The following TMDD1 variants were observed in gnomAD, a reference collection of about 807,000 sequenced individuals.
TMDD1 encodes transmembrane and death domain 1, also known as transmembrane and death domain protein 1.
At position 51,814,353 on chromosome 12, in the gene TMDD1, G is replaced by C. The variant is rs1195553644; in HGVS notation, c.541C>G (p.Pro181Ala). 1 of 368,304 alleles carries C rather than the reference G, an allele frequency of 2.7e-6. No homozygotes were observed. Among genetic ancestry groups the C allele is most frequent in the African/African-American group, 2.1e-5 (1 of 47,274 alleles). The allele number at this position is 368,304 out of a possible 1,614,324, so 22.8% of individuals were successfully genotyped here. A position where few individuals can be genotyped will look rare whatever the true frequency, so the allele number is the denominator to read the frequency against. Reference protein sequence around the residue: ...AAARVPFAPAPRPRRAAVPAP... With the variant: ...AAARVPFAPAARPRRAAVPAP... ...GGGACCGCGGCGCGCCGGGGGCGCG[G>C]GGCCGGGGCAAAGGGCACGCGGGCG... Residue 181 changes from proline to alanine, a missense_variant, in exon 1 of 1, where the codon CCG (proline) becomes GCG (alanine). By Grantham distance (27) the Pro-to-Ala change is conservative. Transcript: ENST00000642069.
Position 51,814,348 on chromosome 12 carries a change from G to T in TMDD1, c.546C>A (p.Arg182=), listed in dbSNP as rs77568389. The change falls in exon 1 of 1, where the codon CGC becomes CGA. Residue 182 remains arginine (R), a synonymous_variant. Transcript: ENST00000642069. The part of the protein sequence containing the change: ...AARVPFAPAP[R]PRRAAVPAPD... ...GCGCGGGGACCGCGGCGCGCCGGGGGCGCGGGGCCGGGGCAAAGGGCACGC... is the reference window on the plus strand; with the variant it reads ...GCGCGGGGACCGCGGCGCGCCGGGGTCGCGGGGCCGGGGCAAAGGGCACGC... 5.4e-6 allele frequency: 2 copies of T among 370,432 alleles called. No individual in the cohort carries two copies. The highest frequency in any genetic ancestry group is 4.6e-5 in the Admixed American group (1 of 21,550). The allele number at this position is 370,432 out of a possible 1,614,324, so 22.9% of individuals were successfully genotyped here.
In TMDD1 at chr12:51,814,151, T is replaced by TCGCTGC. The variant is rs1565938709; in HGVS notation, c.742_743insGCAGCG (p.Gly247_Asp248insGlySer). 4 of 396,864 alleles carry TCGCTGC rather than the reference T, an allele frequency of 1.0e-5. No individual in the cohort carries two copies. The highest frequency in any genetic ancestry group is 1.8e-5 in the Non-Finnish European group (4 of 225,234). The allele number at this position is 396,864 out of a possible 1,614,324, so 24.6% of individuals were successfully genotyped here. A position where few individuals can be genotyped will look rare whatever the true frequency, so the allele number is the denominator to read the frequency against. ...GCTGCCGGGCGACGCCCGGTCGCCG[T>TCGCTGC]CGCCGCCAGTGATCCATAGCGTGAG... On this transcript the variant is annotated inframe_insertion, in exon 1 of 1. Transcript: ENST00000642069.
In TMDD1 at chr12:51,814,136, G is replaced by A. The variant is rs544844450; in HGVS notation, c.758C>T (p.Ser253Leu). Residue 253 changes from serine to leucine, a missense_variant, in exon 1 of 1, where the codon TCG becomes TTG. Coordinates refer to ENST00000642069, the MANE Select transcript of TMDD1 (RefSeq NM_001386737.1). ...GGCGAGCGGGCCGGGGCTGCCGGGC[G>A]ACGCCCGGTCGCCGTCGCCGCCAGT... ...WITGGDGDRA[S>L]PGSPGPLATV... 13 of 327,824 alleles carry A rather than the reference G, an allele frequency of 4.0e-5. No homozygotes were observed. The highest frequency in any genetic ancestry group is 1.3e-4 in the African/African-American group (4 of 29,988). 20.3% of individuals were successfully genotyped at this position (327,824 alleles called of 1,614,324 possible).
rs1021657402 is a variant in TMDD1 at position 51,814,387 on chromosome 12, G to C, written c.507C>G (p.Pro169=). 8 of 357,588 alleles carry C rather than the reference G, an allele frequency of 2.2e-5. No individual in the cohort carries two copies. The highest frequency in any genetic ancestry group is 1.5e-4 in the African/African-American group (7 of 46,834). 22.2% of individuals were successfully genotyped at this position (357,588 alleles called of 1,614,324 possible). A position where few individuals can be genotyped will look rare whatever the true frequency, so the allele number is the denominator to read the frequency against. ...CAAAGGGCACGCGGGCGGCGGCGCC[G>C]GGCCGCGGCAGGAAGCGCTGCCCGA... is the stretch of plus-strand genomic sequence containing the variant. ...RKFGQRFLPR[P]GAAARVPFAP... is the part of the protein sequence containing the mutation. Residue 169 remains proline (P), a synonymous_variant, in exon 1 of 1, where the codon CCC becomes CCG. Transcript: ENST00000642069.
rs1592180223 is a variant in TMDD1, at chr12:51,814,154, C to CCGCCGT, written c.739_740insACGGCG (p.Gly246_Gly247insAspGly). Reference sequence around the variant, plus strand: ...GCCGGGCGACGCCCGGTCGCCGTCGCCGCCAGTGATCCATAGCGTGAGCAG... The same window carrying CCGCCGT: ...GCCGGGCGACGCCCGGTCGCCGTCGCCGCCGTCGCCAGTGATCCATAGCGTGAGCAG... On this transcript the variant is annotated inframe_insertion, in exon 1 of 1. Coordinates refer to ENST00000642069, the MANE Select transcript of TMDD1 (RefSeq NM_001386737.1). 2 of 397,754 alleles carry CCGCCGT rather than the reference C, an allele frequency of 5.0e-6. No homozygotes were observed. Among genetic ancestry groups the CCGCCGT allele is most frequent in the East Asian group, 7.1e-5 (2 of 28,024 alleles). 24.6% of individuals were successfully genotyped at this position (397,754 alleles called of 1,614,324 possible). A position where few individuals can be genotyped will look rare whatever the true frequency, so the allele number is the denominator to read the frequency against.
chr12:51,814,771 G>T lies in TMDD1; in HGVS notation c.123C>A (p.Thr41=), dbSNP rs1939025921. The change falls in exon 1 of 1, where the codon ACC becomes ACA. Residue 41 remains threonine, a synonymous_variant. Transcript: ENST00000642069. ...HAAVRLAELL[T]PEECGHFRSL... is the part of the protein sequence containing the mutation. ...ACCGGAAATGGCCGCACTCCTCCGG[G>T]GTCAGCAGCTCGGCCAGACGGACGG... 7.5e-6 allele frequency: 3 copies of T among 398,160 alleles called. No individual in the cohort carries two copies. Among genetic ancestry groups the T allele is most frequent in the African/African-American group, 4.1e-5 (2 of 48,632 alleles). 24.7% of individuals were successfully genotyped at this position (398,160 alleles called of 1,614,324 possible).
Position 51,813,979 on chromosome 12 carries a change from T to C in TMDD1, c.915A>G (p.Gly305=), listed in dbSNP as rs945497748. ...AAGCACCACTGCCCCAAGACTGTGC[T>C]CCCATTTTACAGCTGAGGGCAAGGG... The part of the protein sequence containing the change: ...HSALALSCKM[G]AQSWGSGALD... Residue 305 remains glycine (G), a synonymous_variant, in exon 1 of 1, where the codon GGA becomes GGG. Coordinates refer to ENST00000642069, the MANE Select transcript of TMDD1 (RefSeq NM_001386737.1). The C allele has an allele frequency of 1.8e-5, 7 of 398,672 alleles. No individual in the cohort carries two copies. The highest frequency in any genetic ancestry group is 1.4e-4 in the African/African-American group (7 of 48,614). 24.7% of individuals were successfully genotyped at this position (398,672 alleles called of 1,614,324 possible). A position where few individuals can be genotyped will look rare whatever the true frequency, so the allele number is the denominator to read the frequency against.
rs1198454264 is a variant in TMDD1 at position 51,814,803 on chromosome 12, G to A, written c.91C>T (p.His31Tyr). ...PAGAVDAMGP[H>Y]AAVRLAELLT... ...AGCTCGGCCAGACGGACGGCTGCGT[G>A]AGGGCCCATAGCGTCCACGGCCCCC... Residue 31 changes from histidine (H) to tyrosine (Y), a missense_variant, in exon 1 of 1, where the codon CAC becomes TAC. Physicochemically the swap from His to Tyr is moderately conservative, Grantham distance 83. Coordinates refer to ENST00000642069, the MANE Select transcript of TMDD1 (RefSeq NM_001386737.1). 1 of 398,194 alleles carries A rather than the reference G, an allele frequency of 2.5e-6. No homozygotes were observed. The highest frequency in any genetic ancestry group is 2.1e-5 in the African/African-American group (1 of 48,626). The allele number at this position is 398,194 out of a possible 1,614,324, so 24.7% of individuals were successfully genotyped here.
rs895559967 is a variant in TMDD1, at chr12:51,814,596, C to A, written c.298G>T (p.Val100Leu). 2.5e-6 allele frequency: 1 copy of A among 397,474 alleles called. No individual in the cohort carries two copies. Among genetic ancestry groups the A allele is most frequent in the Non-Finnish European group, 4.4e-6 (1 of 225,454 alleles). The allele number at this position is 397,474 out of a possible 1,614,324, so 24.6% of individuals were successfully genotyped here. ...REAAEDPAGR[V>L]AGPGEVSDGC... ...TCGGACACCTCTCCAGGCCCGGCTACCCTGCCCGCCGGGTCCTCGGCCGCC... is the reference window on the plus strand; with the variant it reads ...TCGGACACCTCTCCAGGCCCGGCTAACCTGCCCGCCGGGTCCTCGGCCGCC... The change falls in exon 1 of 1, where the codon GTA (valine) becomes TTA (leucine). Residue 100 changes from valine (V) to leucine (L), a missense_variant. By Grantham distance (32) the Val-to-Leu change is conservative. Transcript: ENST00000642069.
At position 51,814,177 on chromosome 12, in the gene TMDD1, C is replaced by G. The variant is rs1043889258; in HGVS notation, c.717G>C (p.Leu239=). ...GALGTGALVV[L]LTLWITGGDG... is the part of the protein sequence containing the mutation. ...CGCCGCCAGTGATCCATAGCGTGAG[C>G]AGGACGACCAGCGCCCCGGTGCCCA... Residue 239 remains leucine (L), a synonymous_variant, in exon 1 of 1, where the codon CTG becomes CTC. Transcript: ENST00000642069. The G allele has an allele frequency of 3.3e-5, 13 of 397,584 alleles. No homozygotes were observed. Among genetic ancestry groups the G allele is most frequent in the African/African-American group, 2.5e-4 (12 of 48,564 alleles). 24.6% of individuals were successfully genotyped at this position (397,584 alleles called of 1,614,324 possible).
Position 51,814,057 on chromosome 12 carries a change from C to G in TMDD1, c.837G>C (p.Ala279=). 2.5e-6 allele frequency: 1 copy of G among 399,548 alleles called. No homozygotes were observed. Among genetic ancestry groups the G allele is most frequent in the Admixed American group, 4.4e-5 (1 of 22,752 alleles). 24.8% of individuals were successfully genotyped at this position (399,548 alleles called of 1,614,324 possible). A position where few individuals can be genotyped will look rare whatever the true frequency, so the allele number is the denominator to read the frequency against. The change falls in exon 1 of 1, where the codon GCG becomes GCC. Residue 279 remains alanine (A), a synonymous_variant. Transcript: ENST00000642069. ...TKLLLPKERR[A]PPGAWAADGP... ...CATCTGCAGCCCAGGCCCCCGGGGGCGCGCGCCGCTCTTTAGGAAGGAGCA... is the reference window on the plus strand; with the variant it reads ...CATCTGCAGCCCAGGCCCCCGGGGGGGCGCGCCGCTCTTTAGGAAGGAGCA...
Position 51,814,338 on chromosome 12 carries a change from C to T in TMDD1, c.556G>A (p.Ala186Thr), listed in dbSNP as rs1939015502. 2.7e-6 allele frequency: 1 copy of T among 376,832 alleles called. No individual in the cohort carries two copies. 23.3% of individuals were successfully genotyped at this position (376,832 alleles called of 1,614,324 possible). ...TCCCAGTCCGGCGCGGGGACCGCGG[C>T]GCGCCGGGGGCGCGGGGCCGGGGCA... ...PFAPAPRPRR[A>T]AVPAPDWDAL... The change falls in exon 1 of 1, where the codon GCC (alanine) becomes ACC (threonine). Residue 186 changes from alanine (A) to threonine (T), a missense_variant. Coordinates refer to ENST00000642069, the MANE Select transcript of TMDD1 (RefSeq NM_001386737.1).
In TMDD1 at chr12:51,814,033, A is replaced by G. The variant is rs1053561035; in HGVS notation, c.861T>C (p.Asp287=). The G allele has an allele frequency of 5.0e-6, 2 of 399,914 alleles. No homozygotes were observed. Among genetic ancestry groups the G allele is most frequent in the Non-Finnish European group, 4.4e-6 (1 of 227,226 alleles). The allele number at this position is 399,914 out of a possible 1,614,324, so 24.8% of individuals were successfully genotyped here. ...TGTGAGGTGAGGGAGAATCTGGCCC[A>G]TCTGCAGCCCAGGCCCCCGGGGGCG... ...RRAPPGAWAA[D]GPDSPSPHSA... is the part of the protein sequence containing the mutation. The change falls in exon 1 of 1, where the codon GAT becomes GAC. Residue 287 remains aspartate, a synonymous_variant. Coordinates refer to ENST00000642069, the MANE Select transcript of TMDD1 (RefSeq NM_001386737.1).
chr12:51,813,992 C>A lies in TMDD1; in HGVS notation c.902G>T (p.Ser301Ile). The A allele has an allele frequency of 2.5e-6, 1 of 398,972 alleles. No homozygotes were observed. The highest frequency in any genetic ancestry group is 4.4e-6 in the Non-Finnish European group (1 of 226,344). 24.7% of individuals were successfully genotyped at this position (398,972 alleles called of 1,614,324 possible). A position where few individuals can be genotyped will look rare whatever the true frequency, so the allele number is the denominator to read the frequency against. Residue 301 changes from serine to isoleucine, a missense_variant, in exon 1 of 1, where the codon AGC becomes ATC. By Grantham distance (142) the Ser-to-Ile change is moderately radical (BLOSUM62 -2). Transcript: ENST00000642069. ...SPSPHSALAL[S>I]CKMGAQSWGS... ...CCAAGACTGTGCTCCCATTTTACAGCTGAGGGCAAGGGCACTGTGAGGTGA... is the reference window on the plus strand; with the variant it reads ...CCAAGACTGTGCTCCCATTTTACAGATGAGGGCAAGGGCACTGTGAGGTGA...
At position 51,814,367 on chromosome 12, in the gene TMDD1, G is replaced by A. The variant is rs1174428864; in HGVS notation, c.527C>T (p.Pro176Leu). ...CCGGGGGCGCGGGGCCGGGGCAAAGGGCACGCGGGCGGCGGCGCCGGGCCG... is the reference window on the plus strand; with the variant it reads ...CCGGGGGCGCGGGGCCGGGGCAAAGAGCACGCGGGCGGCGGCGCCGGGCCG... ...LPRPGAAARV[P>L]FAPAPRPRRA... The change falls in exon 1 of 1, where the codon CCC (proline) becomes CTC (leucine). Residue 176 changes from proline to leucine, a missense_variant. By Grantham distance (98) the Pro-to-Leu change is moderately conservative. Coordinates refer to ENST00000642069, the MANE Select transcript of TMDD1 (RefSeq NM_001386737.1). 2 of 360,062 alleles carry A rather than the reference G, an allele frequency of 5.6e-6. No homozygotes were observed. Among genetic ancestry groups the A allele is most frequent in the Admixed American group, 4.7e-5 (1 of 21,236 alleles). The allele number at this position is 360,062 out of a possible 1,614,324, so 22.3% of individuals were successfully genotyped here. A position where few individuals can be genotyped will look rare whatever the true frequency, so the allele number is the denominator to read the frequency against.
chr12:51,814,371 C>A lies in TMDD1; in HGVS notation c.523G>T (p.Val175Leu). 2.8e-6 allele frequency: 1 copy of A among 357,192 alleles called. No homozygotes were observed. The highest frequency in any genetic ancestry group is 5.0e-6 in the Non-Finnish European group (1 of 199,556). The allele number at this position is 357,192 out of a possible 1,614,324, so 22.1% of individuals were successfully genotyped here. Residue 175 changes from valine (V) to leucine (L), a missense_variant, in exon 1 of 1, where the codon GTG (valine) becomes TTG (leucine). Val to Leu is a conservative substitution (Grantham distance 32). Coordinates refer to ENST00000642069, the MANE Select transcript of TMDD1 (RefSeq NM_001386737.1). ...FLPRPGAAAR[V>L]PFAPAPRPRR... Reference sequence around the variant, plus strand: ...GGGCGCGGGGCCGGGGCAAAGGGCACGCGGGCGGCGGCGCCGGGCCGCGGC... The same window carrying A: ...GGGCGCGGGGCCGGGGCAAAGGGCAAGCGGGCGGCGGCGCCGGGCCGCGGC...
At position 51,814,686 on chromosome 12, in the gene TMDD1, G is replaced by A. The variant is rs1255332830; in HGVS notation, c.208C>T (p.Arg70Trp). Residue 70 changes from arginine to tryptophan, a missense_variant, in exon 1 of 1, where the codon CGG (arginine) becomes TGG (tryptophan). By Grantham distance (101) the Arg-to-Trp change is moderately radical. Coordinates refer to ENST00000642069, the MANE Select transcript of TMDD1 (RefSeq NM_001386737.1). ...EAELSRLSED[R>W]LARPEPLNTT... Reference sequence around the variant, plus strand: ...TTGAGCGGCTCAGGCCGCGCCAGCCGGTCTTCAGAAAGCCGGGACAACTCG... The same window carrying A: ...TTGAGCGGCTCAGGCCGCGCCAGCCAGTCTTCAGAAAGCCGGGACAACTCG... The A allele has an allele frequency of 5.0e-6, 2 of 398,040 alleles. No individual in the cohort carries two copies. The highest frequency in any genetic ancestry group is 4.4e-5 in the Admixed American group (1 of 22,706). 24.7% of individuals were successfully genotyped at this position (398,040 alleles called of 1,614,324 possible). A position where few individuals can be genotyped will look rare whatever the true frequency, so the allele number is the denominator to read the frequency against.
In TMDD1 at chr12:51,814,773, TC is replaced by T; in HGVS notation, c.120del (p.Thr41ProfsTer60). On this transcript the variant is annotated frameshift_variant, in exon 1 of 1. Transcript: ENST00000642069. LOFTEE classifies it low-confidence loss of function (END_TRUNC). ...PHAAVRLAEL[L>X]TPEECGHFRS... ...CGGAAATGGCCGCACTCCTCCGGGGTCAGCAGCTCGGCCAGACGGACGGCTG... is the reference window on the plus strand; with the variant it reads ...CGGAAATGGCCGCACTCCTCCGGGGTAGCAGCTCGGCCAGACGGACGGCTG... 2.5e-6 allele frequency: 1 copy of T among 398,034 alleles called. No homozygotes were observed. Among genetic ancestry groups the T allele is most frequent in the Non-Finnish European group, 4.4e-6 (1 of 225,734 alleles). 24.7% of individuals were successfully genotyped at this position (398,034 alleles called of 1,614,324 possible).
rs1353603295 is a variant in TMDD1, at chr12:51,814,060, G to A, written c.834C>T (p.Arg278=). 5.0e-6 allele frequency: 2 copies of A among 399,384 alleles called. No individual in the cohort carries two copies. The highest frequency in any genetic ancestry group is 1.3e-4 in the South Asian group (1 of 7,880). 24.7% of individuals were successfully genotyped at this position (399,384 alleles called of 1,614,324 possible). ...CTGCAGCCCAGGCCCCCGGGGGCGC[G>A]CGCCGCTCTTTAGGAAGGAGCAGCT... ...ETKLLLPKER[R]APPGAWAADG... Residue 278 remains arginine, a synonymous_variant, in exon 1 of 1, where the codon CGC becomes CGT. Coordinates refer to ENST00000642069, the MANE Select transcript of TMDD1 (RefSeq NM_001386737.1).
Sources: allele counts gnomAD v4.1 joint callset, GRCh38; gene constraint gnomAD v4.1.1; transcripts MANE v1.5; gene names NCBI Gene and HGNC (gene_info 2026-07-23, HGNC 2026-07-21).